Variants in NLRP1 observed in about 807,000 individuals in gnomAD.
NLRP1 encodes the protein NLR family pyrin domain containing 1.
NLRP1 carries 94 observed loss-of-function variants against 136.7 expected under a neutral mutation model. The observed-to-expected ratio is 0.69, with a 90% confidence interval of 0.58 to 0.82. The LOEUF (loss-of-function observed/expected upper bound fraction) is 0.82, where lower values mean the gene tolerates loss of function less well. Ranked by LOEUF, NLRP1 falls within the 40% of genes least tolerant of loss-of-function variation. NLRP1 has a pLI of 0.00. For synonymous variants in NLRP1, 690 were observed against 725.1 expected (o/e 0.95, Z 0.78); for missense variants, 1,575 against 1,802.7 (o/e 0.87, Z 2.29).
Position 5,504,158 on chromosome 17 carries a change from C to CAG in NLRP1, c.4070-2287_4070-2286insCT. On this transcript the variant is annotated intron_variant, in intron 15 of 15. Transcript: ENST00000262467. This position sits in a 1 kb window ranked among gnomAD's most constrained non-coding sequence, Gnocchi z 4.4. ...ATGATAGCAGCAGCAGCAGCAGCAG[C>CAG]CAATCACTGGCCACCGACTGTGTGC... is the stretch of plus-strand genomic sequence containing the variant. 1 of 159,110 alleles carries CAG rather than the reference C, an allele frequency of 6.3e-6. No individual in the cohort carries two copies. 9.9% of individuals were successfully genotyped at this position (159,110 alleles called of 1,614,324 possible).
chr17:5,539,168 G>A lies in NLRP1; in HGVS notation c.2870+247C>T, dbSNP rs12150292. Among the ~76,000 whole-genome samples the A allele has an allele frequency of 0.047, 7,206 of 152,272 alleles. 196 individuals carry two copies. The highest frequency in any genetic ancestry group is 0.082 in the Middle Eastern group (24 of 292). ...TTACAGGCGTGAGCCACCACGCCCTGCCTGTCCTTGTTTTTATATACATTT... is the reference window on the plus strand; with the variant it reads ...TTACAGGCGTGAGCCACCACGCCCTACCTGTCCTTGTTTTTATATACATTT... On this transcript the variant is annotated intron_variant, in intron 7 of 16. Transcript: ENST00000572272.
At chr17:5,581,539 G>A (rs1027111204) in intron 3 of NLRP1, among the ~76,000 whole-genome samples, 2 of 152,272 alleles carry the variant, frequency 1.3e-5, no homozygotes, top group African/African-American at 4.8e-5. Flanking sequence ...AGTGGAAATT[G>A]AACCCAGCTC....
At chr17:5,548,727 G>T (rs1231254547) in intron 5 of NLRP1, among the ~76,000 whole-genome samples, 1 of 151,812 alleles carries the variant, frequency 6.6e-6, no homozygotes, top group African/African-American at 2.4e-5. Context: ...TAATCCAATG[G>T]ACAAATTTCA....
rs1212618062 is a variant in NLRP1 at position 5,558,307 on chromosome 17, G to A, written c.2357+32C>T. 3 of 1,563,512 alleles carry A rather than the reference G, an allele frequency of 1.9e-6. No homozygotes were observed. The African/African-American group carries it at 4.1e-5, about 21-fold the overall frequency. ...CACTCGGGCTTATGGACTGACAGAG[G>A]AGCTGCAGACATGGGTGGTTTGGGT... is the stretch of plus-strand genomic sequence containing the variant. On this transcript the variant is annotated intron_variant, in intron 4 of 16. Transcript: ENST00000572272.
chr17:5,580,655 T>A (rs1905538495), intron 3 of NLRP1, among the ~76,000 whole-genome samples: 1 of 152,208 alleles, frequency 6.6e-6, no homozygotes, highest in Non-Finnish European at 1.5e-5. Flanking sequence ...TTTTCACTTT[T>A]AAAGTTACTG....
Position 5,530,515 on chromosome 17 carries a change from T to C in NLRP1, c.3486A>G (p.Glu1162=), listed in dbSNP as rs1597409074. ...CCACAAAGTGAGGGAGGTGCACAGC[T>C]TCCACAGCTCCAGGCTCAGCCTTGA... is the stretch of plus-strand genomic sequence containing the variant. ...LDIKAEPGAV[E]AVHLPHFVAL... is the part of the protein sequence containing the mutation. The change falls in exon 12 of 17, where the codon GAA becomes GAG. Residue 1162 remains glutamate (E), a synonymous_variant. Coordinates refer to ENST00000572272, the MANE Select transcript of NLRP1 (RefSeq NM_033004.4). 1 of 1,614,172 alleles carries C rather than the reference T, an allele frequency of 6.2e-7. No homozygotes were observed.
chr17:5,552,084 CTT>C (rs71151872), intron 5 of NLRP1, among the ~76,000 whole-genome samples: 7,163 of 94,864 alleles, frequency 0.076, 172 homozygotes, highest in African/African-American at 0.11. Flanking sequence ...TCTATCTTTC[CTT>C]TTTTTTTTTT....
chr17:5,576,521 T>C (rs1905034558), intron 3 of NLRP1, among the ~76,000 whole-genome samples: 1 of 151,830 alleles, frequency 6.6e-6, no homozygotes, highest in South Asian at 2.1e-4. Flanking sequence ...AACTAGAAAA[T>C]CTAGAAGAAA....
Position 5,539,510 on chromosome 17 carries a change from C to A in NLRP1, c.2775G>T (p.Lys925Asn), listed in dbSNP as rs202024178. ...ASVLSASPSLKELDLQQNNLD... is the reference protein window; with the variant it reads ...ASVLSASPSLNELDLQQNNLD... ...GGTTGTTCTGCTGCAGGTCTAGCTC[C>A]TTCAGGCTGGGGCTGGCACTAAGCA... Residue 925 changes from lysine (K) to asparagine (N), a missense_variant, in exon 7 of 17, where the codon AAG (lysine) becomes AAT (asparagine). Lys to Asn is a moderately conservative substitution (Grantham distance 94). Coordinates refer to ENST00000572272, the MANE Select transcript of NLRP1 (RefSeq NM_033004.4). 19 of 1,614,036 alleles carry A rather than the reference C, an allele frequency of 1.2e-5. No individual in the cohort carries two copies. Among genetic ancestry groups the A allele is most frequent in the Admixed American group, 1.7e-5 (1 of 60,002 alleles).
At chr17:5,538,085 C>T (rs1911319889) in intron 7 of NLRP1, among the ~76,000 whole-genome samples, 1 of 152,188 alleles carries the variant, frequency 6.6e-6, no homozygotes, top group Non-Finnish European at 1.5e-5. Context: ...AAGCCCGAGG[C>T]CCAGGCTTCC....
intron 3 of NLRP1, among the ~76,000 whole-genome samples, chr17:5,578,863 A>G (rs1225130157): frequency 6.6e-6 from 1 of 152,250 alleles, no homozygotes; most frequent in African/African-American, 2.4e-5. Flanking sequence ...AACCAACCCA[A>G]ATGTCCATCA....
chr17:5,540,250 C>T (rs1277239767), intron 6 of NLRP1, among the ~76,000 whole-genome samples: 3 of 152,168 alleles, frequency 2.0e-5, no homozygotes, highest in Non-Finnish European at 4.4e-5. Flanking sequence ...TTTGTACGTA[C>T]GGATGTGGGA....
In NLRP1 at chr17:5,565,813, C is replaced by T. The variant is rs147778870; in HGVS notation, c.653-5770G>A. On this transcript the variant is annotated intron_variant, in intron 3 of 16. Transcript: ENST00000572272. ...AGCAGTGAAGCCATCCAGTCCTTGGCTTTTCTTCACTGTAAGGCTTTTTAT... is the reference window on the plus strand; with the variant it reads ...AGCAGTGAAGCCATCCAGTCCTTGGTTTTTCTTCACTGTAAGGCTTTTTAT... Among the ~76,000 whole-genome samples the T allele has an allele frequency of 1.9e-3, 286 of 152,286 alleles. 1 individual carries two copies. The highest frequency in any genetic ancestry group is 6.7e-3 in the African/African-American group (277 of 41,560).
intron 3 of NLRP1, among the ~76,000 whole-genome samples, chr17:5,577,869 G>C (rs1905176386): frequency 6.6e-6 from 1 of 152,122 alleles, no homozygotes; most frequent in Non-Finnish European, 1.5e-5. Flanking sequence ...ATACTACAAG[G>C]CTACAGTAAC....
intron 15 of NLRP1, among the ~76,000 whole-genome samples, chr17:5,506,533 A>G (rs1907343686): frequency 6.6e-6 from 1 of 152,148 alleles, no homozygotes; most frequent in Non-Finnish European, 1.5e-5. Context: ...CGTGTCCATC[A>G]ACAGATGAAC....
chr17:5,583,221 A>C lies in NLRP1; in HGVS notation c.272-375T>G, dbSNP rs1285256088. On this transcript the variant is annotated intron_variant, in intron 1 of 16. Coordinates refer to ENST00000572272, the MANE Select transcript of NLRP1 (RefSeq NM_033004.4). This position sits in a 1 kb window ranked among gnomAD's most constrained non-coding sequence, Gnocchi z 4.5. ...AGCAACAACAGCAATGGGAGATCTTATTTATTGAGCACTTACTGTATATCA... is the reference window on the plus strand; with the variant it reads ...AGCAACAACAGCAATGGGAGATCTTCTTTATTGAGCACTTACTGTATATCA... Among the ~76,000 whole-genome samples, 1 of 152,156 alleles carries C rather than the reference A, an allele frequency of 6.6e-6. No homozygotes were observed. The highest frequency in any genetic ancestry group is 1.5e-5 in the Non-Finnish European group (1 of 68,026).
intron 15 of NLRP1, among the ~76,000 whole-genome samples, chr17:5,507,401 A>G (rs1169706693): frequency 2.6e-5 from 4 of 152,236 alleles, no homozygotes; most frequent in Non-Finnish European, 4.4e-5. Context: ...CCATTAAAGA[A>G]TCAAGAAATT....
Position 5,521,554 on chromosome 17 carries a change from G to A in NLRP1, c.3753C>T (p.Tyr1251=), listed in dbSNP as rs150338143. Residue 1251 remains tyrosine, a synonymous_variant, in exon 13 of 17, where the codon TAC becomes TAT. Transcript: ENST00000572272. ...GAATGGAGCAGTCACTTGGGATCAG[G>A]TAGAGGTGGAAGGTGACTTCCTCAG... ...VHPEEVTFHL[Y]LIPSDCSIRK... 1 of 1,613,976 alleles carries A rather than the reference G, an allele frequency of 6.2e-7. No individual in the cohort carries two copies. Among genetic ancestry groups the A allele is most frequent in the Non-Finnish European group, 8.5e-7 (1 of 1,180,016 alleles).
intron 4 of NLRP1, among the ~76,000 whole-genome samples, chr17:5,556,895 A>G (rs1914154992): frequency 6.6e-6 from 1 of 151,980 alleles, no homozygotes; most frequent in Non-Finnish European, 1.5e-5. Flanking sequence ...AAGTGCTGGG[A>G]TTACAGGTGT....
Sources: gnomAD v4.1 joint callset for allele counts (sites outside exome capture counted in the v4.1 genomes callset) on GRCh38, gnomAD v4.1.1 for gene constraint, Gnocchi (gnomAD v3.1) non-coding constraint, MANE v1.5 for transcripts, NCBI Gene and HGNC (gene_info 2026-07-23, HGNC 2026-07-21) for gene names.